AFG1L: variants seen among roughly 807,000 people sequenced by gnomAD.
AFG1L encodes the protein AFG1 like ATPase.
AFG1L carries 53 observed loss-of-function variants against 62.2 expected under a neutral mutation model. That is an observed-to-expected ratio of 0.85 (90% CI 0.68 to 1.07). The LOEUF (loss-of-function observed/expected upper bound fraction) is 1.07. Among genes scored for constraint, AFG1L ranks in the 50% least tolerant of loss-of-function variants. AFG1L has a pLI of 0.00. For synonymous variants in AFG1L, 228 were observed against 210.3 expected, an observed-to-expected ratio of 1.08 and a Z score of -0.73; for missense variants, 555 against 590.5, an observed-to-expected ratio of 0.94 and a Z score of 0.62.
chr6:108,367,438 A>G (rs1446849414), intron 6 of AFG1L, among the ~76,000 whole-genome samples: 1 of 152,138 alleles, frequency 6.6e-6, no homozygotes, highest in Non-Finnish European at 1.5e-5. Flanking sequence ...ATGGAGCAGT[A>G]AAGTGGTGAG....
intron 8 of AFG1L, among the ~76,000 whole-genome samples, chr6:108,464,331 T>G (rs1562177519): frequency 1.3e-5 from 2 of 152,356 alleles, no homozygotes; most frequent in South Asian, 4.1e-4. Flanking sequence ...TGACATGTTC[T>G]GTTTCTTTGA....
intron 1 of AFG1L, among the ~76,000 whole-genome samples, chr6:108,320,412 ACCT>A (rs1404391239): frequency 1.3e-5 from 2 of 152,270 alleles, no homozygotes; most frequent in East Asian, 3.9e-4. Flanking sequence ...GGTGAGCATA[ACCT>A]CCTCCAGGCC....
At chr6:108,358,599 C>G (rs2114470185) in intron 5 of AFG1L, among the ~76,000 whole-genome samples, 1 of 152,314 alleles carries the variant, frequency 6.6e-6, no homozygotes, top group Non-Finnish European at 1.5e-5. Flanking sequence ...ATGGCGTGAT[C>G]TTGGCTCACT....
intron 7 of AFG1L, among the ~76,000 whole-genome samples, chr6:108,409,990 T>C (rs1393190736): frequency 3.3e-5 from 5 of 152,218 alleles, no homozygotes; most frequent in Admixed American, 1.3e-4. Flanking sequence ...TATTTCCTAT[T>C]GTATGATCCC....
At chr6:108,447,847 A>G (rs1412709637) in intron 8 of AFG1L, among the ~76,000 whole-genome samples, 2 of 152,172 alleles carry the variant, frequency 1.3e-5, no homozygotes, top group Non-Finnish European at 2.9e-5. Flanking sequence ...AATACTGAAA[A>G]ACAAATATAG....
chr6:108,312,765 TG>T (rs897220096), intron 1 of AFG1L, among the ~76,000 whole-genome samples: 4 of 151,820 alleles, frequency 2.6e-5, no homozygotes, highest in African/African-American at 9.7e-5. Context: ...TTTCCCCTTA[TG>T]TTTTTTTTTT....
chr6:108,506,561 G>A (rs1438947669), intron 10 of AFG1L, among the ~76,000 whole-genome samples: 1 of 151,150 alleles, frequency 6.6e-6, no homozygotes, highest in Non-Finnish European at 1.5e-5. Context: ...CTAGTGCAAT[G>A]TAAATGCTAT....
At chr6:108,447,169 A>C (rs769191764) in intron 7 of AFG1L, 45 bp from the exon 8 acceptor site, 2 of 972,108 alleles carry the variant, frequency 2.1e-6, no homozygotes, top group Non-Finnish European at 3.3e-6. Context: ...TGTAATTCTG[A>C]GCCACTACTT....
chr6:108,322,832 A>G (rs1777866370), intron 1 of AFG1L, among the ~76,000 whole-genome samples: 1 of 152,192 alleles, frequency 6.6e-6, no homozygotes, highest in South Asian at 2.1e-4. Context: ...TTGCTTCTAA[A>G]CAGTAGAGAA....
At chr6:108,459,458 A>T (rs1266750727) in intron 8 of AFG1L, among the ~76,000 whole-genome samples, 1 of 152,128 alleles carries the variant, frequency 6.6e-6, no homozygotes, top group Non-Finnish European at 1.5e-5. Context: ...CCATTGTTTC[A>T]TATATTTTAG....
In AFG1L at chr6:108,523,045, C is replaced by A. The variant is rs1213412040; in HGVS notation, c.*620C>A. Reference sequence around the variant, plus strand: ...TGATCTCAAGTGGTCACAAAGTTTTCTAAAAAAAAATAGAAAATTATGATG... The same window carrying A: ...TGATCTCAAGTGGTCACAAAGTTTTATAAAAAAAAATAGAAAATTATGATG... On this transcript the variant is annotated 3_prime_UTR_variant, in exon 13 of 13. Coordinates refer to ENST00000368977, the MANE Select transcript of AFG1L (RefSeq NM_145315.5). 6.6e-6 allele frequency: 1 copy of A among 150,564 alleles called. No homozygotes were observed. 9.3% of individuals were successfully genotyped at this position (150,564 alleles called of 1,614,324 possible).
intron 8 of AFG1L, among the ~76,000 whole-genome samples, chr6:108,462,704 T>C (rs1375902601): frequency 6.6e-6 from 1 of 152,160 alleles, no homozygotes; most frequent in East Asian, 1.9e-4. Flanking sequence ...GCCCACTAAA[T>C]CCAGCTAAAC....
chr6:108,441,605 G>A (rs904986618), intron 7 of AFG1L, among the ~76,000 whole-genome samples: 2 of 150,998 alleles, frequency 1.3e-5, no homozygotes, highest in African/African-American at 2.4e-5. Context: ...ATTCACTGTC[G>A]ACTTGCAGCT....
intron 7 of AFG1L, among the ~76,000 whole-genome samples, chr6:108,403,594 C>A (rs571831971): frequency 6.6e-6 from 1 of 152,182 alleles, no homozygotes; most frequent in African/African-American, 2.4e-5. Flanking sequence ...AGGACATAGA[C>A]TTGCAACGTT....
At chr6:108,475,208 G>A (rs1010089736) in intron 8 of AFG1L, among the ~76,000 whole-genome samples, 1 of 152,116 alleles carries the variant, frequency 6.6e-6, no homozygotes, top group African/African-American at 2.4e-5. Context: ...TAGATGTGTG[G>A]TCTTATTTCT....
Position 108,307,556 on chromosome 6 carries a change from G to A in AFG1L, c.139+12338G>A, listed in dbSNP as rs374383338. 6.6e-5 allele frequency among the ~76,000 whole-genome samples: 10 copies of A among 151,934 alleles called. No individual in the cohort carries two copies. The East Asian group carries it at 1.9e-3, about 29-fold the overall frequency. On this transcript the variant is annotated intron_variant, in intron 1 of 12. Transcript: ENST00000368977. ...CTCCTGAGTAACTGAGACTACAGGC[G>A]AGCACCACCACGCCTGGCTAATTTT... is the stretch of plus-strand genomic sequence containing the variant.
At chr6:108,506,708 A>G (rs917776050) in intron 10 of AFG1L, among the ~76,000 whole-genome samples, 1 of 152,226 alleles carries the variant, frequency 6.6e-6, no homozygotes. Context: ...CAGATTATTT[A>G]TAATACCTAG....
chr6:108,395,874 A>G (rs542899213), intron 6 of AFG1L, among the ~76,000 whole-genome samples: 1 of 150,374 alleles, frequency 6.7e-6, no homozygotes, highest in African/African-American at 2.4e-5. Context: ...TCTGTCACCC[A>G]GGCTGGTCAC....
At chr6:108,418,947 A>G (rs1011642882) in intron 7 of AFG1L, among the ~76,000 whole-genome samples, 1 of 152,174 alleles carries the variant, frequency 6.6e-6, no homozygotes, top group African/African-American at 2.4e-5. Context: ...CCTGGCAAGC[A>G]TTGCTATTCT....
Sources: gnomAD v4.1 joint callset for allele counts (sites outside exome capture counted in the v4.1 genomes callset) on GRCh38, gnomAD v4.1.1 for gene constraint, MANE v1.5 for transcripts, NCBI Gene and HGNC (gene_info 2026-07-23, HGNC 2026-07-21) for gene names.